ECSCR: variants seen among roughly 807,000 people sequenced by gnomAD.
ECSCR encodes endothelial cell surface expressed chemotaxis and apoptosis regulator, also known as endothelial cell-specific chemotaxis regulator.
In ECSCR, 12 loss-of-function variants were observed where a neutral mutation model predicts 16.7. That is an observed-to-expected ratio of 0.72 (90% CI 0.46 to 1.17). The LOEUF is 1.17. ECSCR is among the 50% of genes most tolerant of loss of function. The pLI is 0.00. For synonymous variants in ECSCR, 44 were observed against 42.2 expected (o/e 1.04, Z -0.17); for missense variants, 122 against 116.1 (o/e 1.05, Z -0.23).
intron 1 of ECSCR, 150 bp from the exon 2 acceptor site, chr5:139,458,333 T>G: frequency 2.8e-6 from 2 of 711,634 alleles, no homozygotes; most frequent in Non-Finnish European, 4.6e-6. Flanking sequence ...TTGTTTTTTT[T>G]TTTTTTTTAA....
chr5:139,459,618 C>G (rs1298560500), intron 1 of ECSCR, among the ~76,000 whole-genome samples: 6 of 152,244 alleles, frequency 3.9e-5, no homozygotes, highest in Admixed American at 3.9e-4. Flanking sequence ...TTCTTGAAAC[C>G]TGTGAACAAT....
chr5:139,457,029 G>A (rs972697939), intron 4 of ECSCR, among the ~76,000 whole-genome samples: 6 of 152,202 alleles, frequency 3.9e-5, no homozygotes, highest in Non-Finnish European at 5.9e-5. Flanking sequence ...GGGCCTGCGC[G>A]GCCTTCTTTG....
intron 7 of ECSCR, 81 bp from the exon 8 acceptor site, chr5:139,454,719 G>A (rs1372630966): frequency 2.5e-6 from 1 of 398,252 alleles, no homozygotes; most frequent in African/African-American, 2.1e-5. Context: ...CCCACCTGGG[G>A]ACCCTCCGGC....
chr5:139,454,544 G>T lies in ECSCR; in HGVS notation c.512+58C>A, dbSNP rs886867747. The T allele has an allele frequency of 2.4e-3, 937 of 398,032 alleles. 8 individuals are homozygous for T. The highest frequency in any genetic ancestry group is 0.018 in the African/African-American group (870 of 48,494). The allele number at this position is 398,032 out of a possible 1,614,324, so 24.7% of individuals were successfully genotyped here. A position where few individuals can be genotyped will look rare whatever the true frequency, so the allele number is the denominator to read the frequency against. ...TGGGTGTGGAAGGCAGGAAGTGTTG[G>T]TTCCCTCTGGGAGTTGGGGTCTGGG... On this transcript the variant is annotated intron_variant, in intron 8 of 9. Coordinates refer to ENST00000618155, the MANE Select transcript of ECSCR (RefSeq NM_001077693.4).
Position 139,450,493 on chromosome 5 carries a change from A to G in ECSCR, c.513-1319T>C, listed in dbSNP as rs1421598279. ...GCCTGTCCCTTAAAAAAAAAAAAAA[A>G]AAGGCTGGGCATGGTGGCTCATGCC... On this transcript the variant is annotated intron_variant, in intron 8 of 9. Transcript: ENST00000618155. 2.7e-5 allele frequency among the ~76,000 whole-genome samples: 4 copies of G among 147,038 alleles called. No individual in the cohort carries two copies. In the East Asian group the frequency reaches 8.2e-4, roughly 30 times the overall value.
At chr5:139,458,104 T>A in intron 2 of ECSCR, 35 bp downstream of exon 2, 1 of 1,544,516 alleles carries the variant, frequency 6.5e-7, no homozygotes, top group Non-Finnish European at 8.8e-7. Flanking sequence ...CTCCTAGGCC[T>A]ACACGCTGGA....
chr5:139,456,431 T>C (rs1443025999), intron 5 of ECSCR, 43 bp downstream of exon 5: 4 of 398,448 alleles, frequency 1.0e-5, no homozygotes, highest in Non-Finnish European at 1.8e-5. Context: ...GTCACAGACA[T>C]CTCCTGCCGA....
At chr5:139,457,835 G>T (rs747172897) in intron 2 of ECSCR, 28 bp from the exon 3 acceptor site, 25 of 1,590,478 alleles carry the variant, frequency 1.6e-5, no homozygotes, top group Non-Finnish European at 2.1e-5. Flanking sequence ...AGGCTGAGGG[G>T]TGCACCGCCT....
At chr5:139,461,182 A>G (rs1038030621) in intron 1 of ECSCR, among the ~76,000 whole-genome samples, 1 of 152,166 alleles carries the variant, frequency 6.6e-6, no homozygotes. Flanking sequence ...AGTAAAATGC[A>G]AGTGGTATCA....
intron 1 of ECSCR, among the ~76,000 whole-genome samples, chr5:139,461,019 G>C (rs1482522804): frequency 1.3e-5 from 2 of 152,066 alleles, no homozygotes; most frequent in Non-Finnish European, 2.9e-5. Context: ...AAATTAGCTG[G>C]GTGTGGTGGT....
chr5:139,458,325 G>GTT (rs777187520), intron 1 of ECSCR, 142 bp from the exon 2 acceptor site: 3,588 of 539,098 alleles, frequency 6.7e-3, no homozygotes, highest in East Asian at 9.3e-3. Context: ...GTTTTGTTTT[G>GTT]TTTTTTTTTT....
In ECSCR at chr5:139,454,865, G is replaced by A; in HGVS notation, c.435C>T (p.Val145=). The part of the protein sequence containing the change: ...VVVVIILVGV[V]SLRFKCRKSK... ...TCTTCCGACACTTGAACCTCAGGCT[G>A]ACCACACCAACTAGGATGATCACCA... Residue 145 remains valine, a synonymous_variant, in exon 7 of 10, where the codon GTC becomes GTT. Coordinates refer to ENST00000618155, the MANE Select transcript of ECSCR (RefSeq NM_001077693.4). 1 of 398,674 alleles carries A rather than the reference G, an allele frequency of 2.5e-6. No homozygotes were observed. Among genetic ancestry groups the A allele is most frequent in the Non-Finnish European group, 4.4e-6 (1 of 226,276 alleles). The allele number at this position is 398,674 out of a possible 1,614,324, so 24.7% of individuals were successfully genotyped here.
intron 1 of ECSCR, among the ~76,000 whole-genome samples, chr5:139,459,127 A>C (rs554979050): frequency 2.2e-4 from 33 of 152,284 alleles, no homozygotes; most frequent in Admixed American, 1.2e-3. Context: ...CTAAGGACAG[A>C]AGATCAATGA....
chr5:139,456,667 T>A, intron 4 of ECSCR, 149 bp from the exon 5 acceptor site: 2 of 392,162 alleles, frequency 5.1e-6, no homozygotes, highest in Non-Finnish European at 9.0e-6. Flanking sequence ...TTTTGGGGTA[T>A]CCTTCTCCTC....
intron 1 of ECSCR, among the ~76,000 whole-genome samples, chr5:139,459,183 G>A (rs918955126): frequency 1.3e-5 from 2 of 152,164 alleles, no homozygotes; most frequent in Admixed American, 6.5e-5. Context: ...CAGGTCTCTA[G>A]GCTAATGTTT....
intron 8 of ECSCR, among the ~76,000 whole-genome samples, chr5:139,450,937 C>T (rs1246792195): frequency 1.3e-5 from 2 of 152,146 alleles, no homozygotes; most frequent in African/African-American, 4.8e-5. Context: ...AATTCCTACA[C>T]TTTTCATGAT....
At chr5:139,448,929 G>A (rs1348884000) in intron 9 of ECSCR, 21 bp from the exon 10 acceptor site, 16 of 1,537,110 alleles carry the variant, frequency 1.0e-5, no homozygotes, top group Non-Finnish European at 7.0e-6. Context: ...AATGCATAAT[G>A]GGGAAGGGTG....
chr5:139,450,236 C>T (rs534160269), intron 8 of ECSCR, among the ~76,000 whole-genome samples: 1 of 152,266 alleles, frequency 6.6e-6, no homozygotes, highest in East Asian at 1.9e-4. Context: ...AATGTCTCGG[C>T]TTACACCTAT....
rs1751122462 is a variant in ECSCR at position 139,454,814 on chromosome 5, A to T, written c.475+11T>A. 1 of 398,556 alleles carries T rather than the reference A, an allele frequency of 2.5e-6. No individual in the cohort carries two copies. Among genetic ancestry groups the T allele is most frequent in the Non-Finnish European group, 4.4e-6 (1 of 226,094 alleles). The allele number at this position is 398,556 out of a possible 1,614,324, so 24.7% of individuals were successfully genotyped here. A position where few individuals can be genotyped will look rare whatever the true frequency, so the allele number is the denominator to read the frequency against. ...AGAGGGGAAAAAGATCCCCGAGGGC[A>T]GGGCACGCACCTTCAGACTCCTTGC... On this transcript the variant is annotated intron_variant, in intron 7 of 9. Transcript: ENST00000618155.
Sources: allele counts gnomAD v4.1 joint callset (sites outside exome capture counted in the v4.1 genomes callset), GRCh38; gene constraint gnomAD v4.1.1; transcripts MANE v1.5; gene names NCBI Gene and HGNC (gene_info 2026-07-23, HGNC 2026-07-21).